MRTFB: variants seen among roughly 807,000 people sequenced by gnomAD.
MRTFB encodes the protein myocardin related transcription factor B.
In MRTFB, 29 loss-of-function variants were observed where a neutral mutation model predicts 104.2. The observed-to-expected ratio is 0.28, with a 90% confidence interval of 0.21 to 0.38. The LOEUF (loss-of-function observed/expected upper bound fraction) is 0.38, where lower values mean the gene tolerates loss of function less well. Among genes scored for constraint, MRTFB ranks in the 10% least tolerant of loss-of-function variants. MRTFB has a pLI of 1.00. For missense variants in MRTFB, 1,270 were observed against 1,341.6 expected, an observed-to-expected ratio of 0.95 and a Z score of 0.83; for synonymous variants, 535 against 519.5, an observed-to-expected ratio of 1.03 and a Z score of -0.41.
chr16:14,064,254 T>C, the MRTFB span, among the ~76,000 whole-genome samples: 1 of 152,240 alleles, frequency 6.6e-6, no homozygotes, highest in Non-Finnish European at 1.5e-5. Flanking sequence ...TTCGTATGCT[T>C]GTTGGCTGTA....
intron 2 of MRTFB, among the ~76,000 whole-genome samples, chr16:14,138,979 G>A (rs2037862837): frequency 6.6e-6 from 1 of 151,994 alleles, no homozygotes; most frequent in African/African-American, 2.4e-5. Context: ...AGATCTAGAA[G>A]AAAACAGGAA....
At chr16:14,192,747 C>T (rs2040243030) in intron 3 of MRTFB, among the ~76,000 whole-genome samples, 1 of 152,174 alleles carries the variant, frequency 6.6e-6, no homozygotes. Flanking sequence ...CTCTCTTGTG[C>T]TGCAGACCTG....
chr16:14,240,291 C>A lies in MRTFB; in HGVS notation c.886C>A (p.Pro296Thr). The change falls in exon 10 of 17, where the codon CCC becomes ACC. Residue 296 changes from proline to threonine, a missense_variant. By Grantham distance (38) the Pro-to-Thr change is conservative. This residue lies in a region of MRTFB where 1,144 missense variants were observed against 1,131.5 expected (regional missense o/e 1.01). Coordinates refer to ENST00000571589, the MANE Select transcript of MRTFB (RefSeq NM_001308142.2). Reference protein sequence around the residue: ...DKHRSKKCKDPKPRVKKLKYH... With the variant: ...DKHRSKKCKDTKPRVKKLKYH... ...ACACCGTAGCAAAAAGTGCAAAGAT[C>A]CCAAACCACGGGTAAAGAAGTTAAA... The A allele has an allele frequency of 6.2e-7, 1 of 1,613,622 alleles. No individual in the cohort carries two copies. The highest frequency in any genetic ancestry group is 2.2e-5 in the East Asian group (1 of 44,870).
the MRTFB span, among the ~76,000 whole-genome samples, chr16:14,024,024 C>G: frequency 6.6e-6 from 1 of 151,864 alleles, no homozygotes; most frequent in African/African-American, 2.4e-5. Flanking sequence ...GCACTCCAGC[C>G]TGGGCATCAG....
intron 3 of MRTFB, among the ~76,000 whole-genome samples, chr16:14,198,134 T>C (rs907704207): frequency 5.3e-5 from 8 of 152,238 alleles, no homozygotes; most frequent in Non-Finnish European, 1.2e-4. Context: ...GTTTTTCAGT[T>C]TCATCCACAT....
chr16:14,088,988 G>A (rs1251678447), intron 2 of MRTFB, among the ~76,000 whole-genome samples: 1 of 152,034 alleles, frequency 6.6e-6, no homozygotes, highest in African/African-American at 2.4e-5. Flanking sequence ...TTTATGGTTG[G>A]TCACTGTAGG....
At chr16:14,073,634 T>G (rs897845507) in intron 1 of MRTFB, among the ~76,000 whole-genome samples, 3 of 152,228 alleles carry the variant, frequency 2.0e-5, no homozygotes, top group African/African-American at 7.2e-5. Context: ...AATGGAAATG[T>G]TGACAACTAA....
intron 3 of MRTFB, among the ~76,000 whole-genome samples, chr16:14,193,037 G>A (rs2040257762): frequency 1.3e-5 from 2 of 151,766 alleles, no homozygotes; most frequent in South Asian, 2.1e-4. Context: ...CCTTTACTCA[G>A]ATCACATATT....
At chr16:14,006,469 C>T in the MRTFB span, among the ~76,000 whole-genome samples, 2 of 150,972 alleles carry the variant, frequency 1.3e-5, no homozygotes, top group Non-Finnish European at 2.9e-5. Context: ...GCTGAGATCA[C>T]GCCACTGCAC....
chr16:14,188,662 A>T (rs2040047184), intron 3 of MRTFB, among the ~76,000 whole-genome samples: 1 of 152,178 alleles, frequency 6.6e-6, no homozygotes. Flanking sequence ...TTCAAATCCT[A>T]CATGCACCAT....
At chr16:14,219,019 A>AC in intron 8 of MRTFB, 21 bp downstream of exon 8, 1 of 1,557,764 alleles carries the variant, frequency 6.4e-7, no homozygotes, top group Non-Finnish European at 8.7e-7. Flanking sequence ...TCTGGTTTTG[A>AC]CCCCTAAAGA....
the MRTFB span, among the ~76,000 whole-genome samples, chr16:14,027,301 T>C: frequency 6.6e-6 from 1 of 152,224 alleles, no homozygotes; most frequent in African/African-American, 2.4e-5. Context: ...TTCTATATGA[T>C]TCCATTTATA....
At chr16:14,058,712 GT>G in the MRTFB span, among the ~76,000 whole-genome samples, 1,733 of 86,812 alleles carry the variant, frequency 0.02, 3 homozygotes, top group African/African-American at 0.022. Context: ...ATTTGTATTT[GT>G]TTTTTTTTTT....
chr16:14,103,157 C>G (rs888094164), intron 2 of MRTFB, among the ~76,000 whole-genome samples: 6 of 152,164 alleles, frequency 3.9e-5, no homozygotes, highest in African/African-American at 1.4e-4. Context: ...TTGCTCTCAT[C>G]TAATATTCTT....
At chr16:14,207,989 T>C (rs150387059) in intron 3 of MRTFB, among the ~76,000 whole-genome samples, 1 of 152,320 alleles carries the variant, frequency 6.6e-6, no homozygotes, top group East Asian at 1.9e-4. Flanking sequence ...AGTGTCAGAA[T>C]TGAATCATTG....
At chr16:14,055,750 G>C in the MRTFB span, among the ~76,000 whole-genome samples, 1 of 151,824 alleles carries the variant, frequency 6.6e-6, no homozygotes, top group Admixed American at 6.6e-5. Flanking sequence ...TCAACCACTT[G>C]ATTAATGTGG....
rs1445953807 is a variant in MRTFB, at chr16:14,192,839, A to G, written c.155-17404A>G. Among the ~76,000 whole-genome samples, 3 of 152,126 alleles carry G rather than the reference A, an allele frequency of 2.0e-5. No homozygotes were observed. The East Asian group carries it at 5.8e-4, about 29-fold the overall frequency. ...CATTCTTCCAGGGTTCCTCATCTCA[A>G]TAAACAGCACCCCTGTCCACCCAGT... On this transcript the variant is annotated intron_variant, in intron 3 of 16. Coordinates refer to ENST00000571589, the MANE Select transcript of MRTFB (RefSeq NM_001308142.2).
intron 13 of MRTFB, among the ~76,000 whole-genome samples, chr16:14,250,582 C>A (rs2043212203): frequency 6.6e-6 from 1 of 152,138 alleles, no homozygotes; most frequent in African/African-American, 2.4e-5. Context: ...TTGAGTGTGA[C>A]CACAGCAGGT....
chr16:14,079,296 A>T lies in MRTFB; in HGVS notation c.-122A>T, dbSNP rs1596714317. The stretch of plus-strand genomic sequence containing the variant: ...TCTGCCTTTTTTTTTCCAGGTTCAC[A>T]ATAAAGGTGCTAAGAAAGAGAATGT... On this transcript the variant is annotated 5_prime_UTR_variant, in exon 2 of 17. Coordinates refer to ENST00000571589, the MANE Select transcript of MRTFB (RefSeq NM_001308142.2). The T allele has an allele frequency of 2.8e-6, 1 of 354,384 alleles. No individual in the cohort carries two copies. The allele number at this position is 354,384 out of a possible 1,614,324, so 22.0% of individuals were successfully genotyped here.
Sources: gnomAD v4.1 joint callset for allele counts (sites outside exome capture counted in the v4.1 genomes callset) on GRCh38, gnomAD v4.1.1 for gene constraint, gnomAD v4.1.1 regional missense constraint, MANE v1.5 for transcripts, NCBI Gene and HGNC (gene_info 2026-07-23, HGNC 2026-07-21) for gene names.